DNAJB14: variants seen among roughly 807,000 people sequenced by gnomAD.
DNAJB14 encodes the protein DnaJ heat shock protein family (Hsp40) member B14, also known as dnaJ homolog subfamily B member 14.
Under a neutral mutation model 48.4 loss-of-function variants are expected in DNAJB14, and 22 were observed. That is an observed-to-expected ratio of 0.45 (90% CI 0.32 to 0.65). The LOEUF (loss-of-function observed/expected upper bound fraction) is 0.65. DNAJB14 is among the 30% of genes least tolerant of loss of function. The pLI is 0.03. For missense variants in DNAJB14, 319 were observed against 458.8 expected, an observed-to-expected ratio of 0.70 and a Z score of 2.78; for synonymous variants, 142 against 158.7, an observed-to-expected ratio of 0.89 and a Z score of 0.79.
chr4:99,904,002 T>A, intron 6 of DNAJB14, 104 bp from the exon 7 acceptor site: 2 of 1,207,356 alleles, frequency 1.7e-6, no homozygotes, highest in Non-Finnish European at 2.3e-6. Flanking sequence ...AAAGTTAATA[T>A]TGGTAATACA....
intron 3 of DNAJB14, among the ~76,000 whole-genome samples, chr4:99,914,065 G>A (rs926333571): frequency 7.9e-5 from 12 of 152,084 alleles, no homozygotes; most frequent in Admixed American, 2.6e-4. Flanking sequence ...CCACTCATTC[G>A]GGAAATAATC....
chr4:99,935,646 G>A (rs1350484850), intron 1 of DNAJB14, among the ~76,000 whole-genome samples: 1 of 152,128 alleles, frequency 6.6e-6, no homozygotes, highest in Non-Finnish European at 1.5e-5. Flanking sequence ...TCTAAATGGT[G>A]GGCTTCCCCT....
intron 6 of DNAJB14, 107 bp from the exon 7 acceptor site, chr4:99,904,005 G>C (rs1378931838): frequency 8.6e-7 from 1 of 1,165,500 alleles, no homozygotes; most frequent in Non-Finnish European, 1.2e-6. Flanking sequence ...GTTAATATTG[G>C]TAATACAGGT....
At chr4:99,908,214 TAA>T (rs961171393) in intron 4 of DNAJB14, among the ~76,000 whole-genome samples, 5 of 152,174 alleles carry the variant, frequency 3.3e-5, no homozygotes, top group Non-Finnish European at 7.4e-5. Context: ...AATGTAAACT[TAA>T]AAATCCACTT....
chr4:99,945,514 A>G (rs1328192691), intron 1 of DNAJB14, among the ~76,000 whole-genome samples: 1 of 152,182 alleles, frequency 6.6e-6, no homozygotes, highest in African/African-American at 2.4e-5. Context: ...TACTATTCTG[A>G]CTTTGCTACT....
intron 1 of DNAJB14, 32 bp from the exon 2 acceptor site, chr4:99,930,653 T>A (rs1247919805): frequency 1.3e-6 from 2 of 1,564,884 alleles, no homozygotes; most frequent in Non-Finnish European, 1.7e-6. Flanking sequence ...TATGCCTGTT[T>A]ACATCAACGT....
At chr4:99,940,832 G>A (rs569106071) in intron 1 of DNAJB14, among the ~76,000 whole-genome samples, 5 of 151,870 alleles carry the variant, frequency 3.3e-5, no homozygotes, top group Non-Finnish European at 7.4e-5. Flanking sequence ...ACAGGTCCAT[G>A]TCATCATTTT....
intron 3 of DNAJB14, among the ~76,000 whole-genome samples, chr4:99,920,619 C>A (rs1726019739): frequency 6.6e-6 from 1 of 152,086 alleles, no homozygotes; most frequent in Non-Finnish European, 1.5e-5. Flanking sequence ...ATGTATTTTG[C>A]AAGTCACTTT....
chr4:99,905,661 T>C lies in DNAJB14; in HGVS notation c.778A>G (p.Ile260Val), dbSNP rs949288127. The C allele has an allele frequency of 6.2e-7, 1 of 1,612,366 alleles. No homozygotes were observed. The highest frequency in any genetic ancestry group is 1.7e-5 in the Admixed American group (1 of 59,928). Reference protein sequence around the residue: ...FIQLMPIIVLILVSLLSQLMV... With the variant: ...FIQLMPIIVLVLVSLLSQLMV... ...AACTGGCTTAATAATGACACGAGGA[T>C]CAATACAATTATGGGCATCAGCTGG... Residue 260 changes from isoleucine (I) to valine (V), a missense_variant, in exon 6 of 8, where the codon ATC becomes GTC. Coordinates refer to ENST00000442697, the MANE Select transcript of DNAJB14 (RefSeq NM_001031723.4).
chr4:99,930,766 C>T, intron 1 of DNAJB14, 145 bp from the exon 2 acceptor site: 2 of 755,466 alleles, frequency 2.6e-6, no homozygotes, highest in African/African-American at 1.8e-5. Flanking sequence ...CACGCATTCC[C>T]CTAAGTACTT....
At chr4:99,905,517 A>T (rs1047620933) in intron 6 of DNAJB14, 80 bp downstream of exon 6, 1 of 1,071,284 alleles carries the variant, frequency 9.3e-7, no homozygotes, top group African/African-American at 1.6e-5. Flanking sequence ...AAAAGTTTAA[A>T]AGAGCACAAG....
intron 1 of DNAJB14, 134 bp downstream of exon 1, chr4:99,946,305 G>A (rs1367027694): frequency 2.9e-6 from 4 of 1,375,118 alleles, no homozygotes; most frequent in South Asian, 2.5e-5. Flanking sequence ...GCTCCCCACC[G>A]GGCCTGGGGC....
chr4:99,923,159 T>G lies in DNAJB14; in HGVS notation c.332A>C (p.Glu111Ala), dbSNP rs1390737092. The part of the protein sequence containing the change: ...LSINKCKNYY[E>A]VLGVTKDAGD... Reference sequence around the variant, plus strand: ...AGCATCTTTCGTAACTCCAAGTACTTCATAGTAATTTTTACATTTGTTTAT... The same window carrying G: ...AGCATCTTTCGTAACTCCAAGTACTGCATAGTAATTTTTACATTTGTTTAT... The change falls in exon 3 of 8, where the codon GAA (glutamate) becomes GCA (alanine). Residue 111 changes from glutamate (E) to alanine (A), a missense_variant. Coordinates refer to ENST00000442697, the MANE Select transcript of DNAJB14 (RefSeq NM_001031723.4). 1 of 1,611,824 alleles carries G rather than the reference T, an allele frequency of 6.2e-7. No individual in the cohort carries two copies. The highest frequency in any genetic ancestry group is 8.5e-7 in the Non-Finnish European group (1 of 1,178,956).
intron 7 of DNAJB14, among the ~76,000 whole-genome samples, chr4:99,902,733 G>C (rs546157533): frequency 6.6e-6 from 1 of 152,228 alleles, no homozygotes; most frequent in East Asian, 1.9e-4. Context: ...GAAGACGTTG[G>C]AGCACAGGGC....
intron 1 of DNAJB14, among the ~76,000 whole-genome samples, chr4:99,944,030 C>T (rs917518258): frequency 1.3e-5 from 2 of 151,274 alleles, no homozygotes; most frequent in African/African-American, 2.4e-5. Context: ...GGAACTCCTA[C>T]AACTCAACAA....
intron 1 of DNAJB14, among the ~76,000 whole-genome samples, chr4:99,937,481 T>C (rs954588047): frequency 6.6e-6 from 1 of 152,094 alleles, no homozygotes; most frequent in Non-Finnish European, 1.5e-5. Flanking sequence ...TCCCAGCACT[T>C]TGGGATGCCA....
chr4:99,910,119 T>G (rs997063793), intron 3 of DNAJB14, among the ~76,000 whole-genome samples: 2 of 152,064 alleles, frequency 1.3e-5, no homozygotes, highest in Admixed American at 1.3e-4. Flanking sequence ...ATTAATTATA[T>G]ACAATACTCT....
intron 1 of DNAJB14, among the ~76,000 whole-genome samples, chr4:99,944,553 A>C (rs1328249260): frequency 6.6e-6 from 1 of 151,764 alleles, no homozygotes; most frequent in East Asian, 1.9e-4. Context: ...CAGTTTTTTT[A>C]CTGTAGCTTT....
At chr4:99,914,609 G>A (rs994538724) in intron 3 of DNAJB14, among the ~76,000 whole-genome samples, 14 of 151,882 alleles carry the variant, frequency 9.2e-5, no homozygotes, top group African/African-American at 1.5e-4. Context: ...AAACCTGCAC[G>A]TTGTGCACAT....
Sources: allele counts gnomAD v4.1 joint callset (sites outside exome capture counted in the v4.1 genomes callset), GRCh38; gene constraint gnomAD v4.1.1; transcripts MANE v1.5; gene names NCBI Gene and HGNC (gene_info 2026-07-23, HGNC 2026-07-21).